The following LRRC66 variants were observed in gnomAD, a reference collection of about 807,000 sequenced individuals.
LRRC66 encodes leucine-rich repeat-containing protein 66.
A neutral mutation model predicts 24.6 loss-of-function variants in LRRC66; 29 were observed. That is an observed-to-expected ratio of 1.18 (90% CI 0.88 to 1.61). The LOEUF is 1.61. Ranked by LOEUF, LRRC66 falls within the 40% of genes most tolerant of loss-of-function variation. The pLI, the probability that LRRC66 is intolerant of heterozygous loss-of-function variation, is 0.00. For synonymous variants in LRRC66, 411 were observed against 397.6 expected (o/e 1.03, Z -0.40); for missense variants, 1,124 against 1,058.0 (o/e 1.06, Z -0.87).
In LRRC66 at chr4:52,017,048, T is replaced by C. The variant is rs1736827365; in HGVS notation, c.496+70A>G. 3.3e-6 allele frequency: 5 copies of C among 1,492,754 alleles called. No individual in the cohort carries two copies. In the South Asian group the frequency reaches 6.8e-5, roughly 20 times the overall value. 92.5% of individuals were successfully genotyped at this position (1,492,754 alleles called of 1,614,324 possible). On this transcript the variant is annotated intron_variant, in intron 2 of 4. Coordinates refer to ENST00000682860, the MANE Select transcript of LRRC66 (RefSeq NM_001024611.3). ...TGTCCCTTGAACCTGAAAACAAATG[T>C]GGAATTCTTATGAACATGAAACAAC...
Position 51,997,755 on chromosome 4 carries a change from C to G in LRRC66, c.849G>C (p.Arg283Ser). The G allele has an allele frequency of 1.2e-6, 2 of 1,613,750 alleles. No homozygotes were observed. The highest frequency in any genetic ancestry group is 1.7e-6 in the Non-Finnish European group (2 of 1,179,754). ...GAGACATTACTGACTTACCTATAGACCTGTTGCAAATGACATTCCACTTTT... is the reference window on the plus strand; with the variant it reads ...GAGACATTACTGACTTACCTATAGAGCTGTTGCAAATGACATTCCACTTTT... ...WRKKWNVICN[R>S]SIGSEEANGG... The change falls in exon 4 of 5, where the codon AGG becomes AGC. Residue 283 changes from arginine to serine, a missense_variant. Transcript: ENST00000682860.
At chr4:52,015,412 C>A (rs1736786890) in intron 2 of LRRC66, among the ~76,000 whole-genome samples, 1 of 152,030 alleles carries the variant, frequency 6.6e-6, no homozygotes, top group Non-Finnish European at 1.5e-5. Context: ...GTAAGGAATG[C>A]TCACCCCTCG....
intron 2 of LRRC66, among the ~76,000 whole-genome samples, chr4:52,009,178 A>T (rs1356299144): frequency 6.6e-6 from 1 of 152,140 alleles, no homozygotes; most frequent in East Asian, 1.9e-4. Flanking sequence ...AAATAGAAAT[A>T]ATTTTGACTC....
chr4:51,997,473 C>G (rs1736346703), intron 4 of LRRC66, among the ~76,000 whole-genome samples: 1 of 152,184 alleles, frequency 6.6e-6, no homozygotes, highest in Non-Finnish European at 1.5e-5. Flanking sequence ...GAACAAAACT[C>G]ACTTCTAGTG....
intron 2 of LRRC66, among the ~76,000 whole-genome samples, chr4:52,008,878 C>G (rs530168363): frequency 6.6e-6 from 1 of 152,104 alleles, no homozygotes; most frequent in South Asian, 2.1e-4. Flanking sequence ...ATATTTAAAT[C>G]TCTTTAAAAG....
chr4:51,996,190 A>C, intron 4 of LRRC66, 25 bp from the exon 5 acceptor site: 1 of 1,520,266 alleles, frequency 6.6e-7, no homozygotes, highest in Non-Finnish European at 8.9e-7. Context: ...AAAAAAATAC[A>C]CATTGAGCGA....
chr4:52,019,692 A>T (rs77489287), intron 1 of LRRC66, among the ~76,000 whole-genome samples: 1,660 of 152,320 alleles, frequency 0.011, 32 homozygotes, highest in African/African-American at 0.034. Flanking sequence ...CTACGTTCAA[A>T]GCTGAGATCA....
At chr4:52,009,879 C>T (rs902934363) in intron 2 of LRRC66, among the ~76,000 whole-genome samples, 3 of 152,076 alleles carry the variant, frequency 2.0e-5, no homozygotes, top group African/African-American at 7.2e-5. Context: ...TAGACATCAA[C>T]AATATAGCAA....
Position 51,995,918 on chromosome 4 carries a change from T to C in LRRC66, c.1104A>G (p.Lys368=). The C allele has an allele frequency of 6.2e-7, 1 of 1,614,106 alleles. No homozygotes were observed. The highest frequency in any genetic ancestry group is 1.1e-5 in the South Asian group (1 of 91,086). The change falls in exon 5 of 5, where the codon AAA becomes AAG. Residue 368 remains lysine, a synonymous_variant. Coordinates refer to ENST00000682860, the MANE Select transcript of LRRC66 (RefSeq NM_001024611.3). The part of the protein sequence containing the change: ...STRDVQAAGK[K]EDAPQDLALA... ...GAGCCAGGTCCTGGGGAGCGTCCTC[T>C]TTTTTGCCGGCAGCCTGCACATCGC...
At position 51,995,370 on chromosome 4, in the gene LRRC66, T is replaced by G. The variant is rs1374555406; in HGVS notation, c.1652A>C (p.His551Pro). ...AGCTACAGAAGAGACGCCCACTGAA[T>G]GTGCACTGAGAGGCTCTTCCTGGGC... is the stretch of plus-strand genomic sequence containing the variant. ...TVAQEEPLSA[H>P]SVGVSSVAGT... Residue 551 changes from histidine to proline, a missense_variant, in exon 5 of 5, where the codon CAT becomes CCT. Physicochemically the swap from His to Pro is moderately conservative, Grantham distance 77. Transcript: ENST00000682860. The G allele has an allele frequency of 4.3e-6, 7 of 1,614,080 alleles. No homozygotes were observed. The highest frequency in any genetic ancestry group is 5.9e-6 in the Non-Finnish European group (7 of 1,180,040).
intron 2 of LRRC66, among the ~76,000 whole-genome samples, chr4:52,005,392 T>A (rs1052257227): frequency 1.3e-5 from 2 of 152,120 alleles, no homozygotes; most frequent in African/African-American, 4.8e-5. Flanking sequence ...CCCAGCACTT[T>A]GGAAGCCGAA....
In LRRC66 at chr4:51,997,887, G is replaced by A. The variant is rs373737799; in HGVS notation, c.717C>T (p.Ile239=). 3 of 1,614,144 alleles carry A rather than the reference G, an allele frequency of 1.9e-6. No individual in the cohort carries two copies. Among genetic ancestry groups the A allele is most frequent in the Non-Finnish European group, 2.5e-6 (3 of 1,180,000 alleles). Residue 239 remains isoleucine, a synonymous_variant, in exon 4 of 5, where the codon ATC becomes ATT. Coordinates refer to ENST00000682860, the MANE Select transcript of LRRC66 (RefSeq NM_001024611.3). ...CTAGATGGGGAAATTCTAGAGCTATGATCATCATTGGTAGGATGGTAATCA... is the reference window on the plus strand; with the variant it reads ...CTAGATGGGGAAATTCTAGAGCTATAATCATCATTGGTAGGATGGTAATCA... ...NALITILPMM[I]IALEFPHLVV...
In LRRC66 at chr4:51,994,145, A is replaced by G. The variant is rs1041667376; in HGVS notation, c.*234T>C. 1 of 471,952 alleles carries G rather than the reference A, an allele frequency of 2.1e-6. No homozygotes were observed. Among genetic ancestry groups the G allele is most frequent in the African/African-American group, 2.0e-5 (1 of 51,014 alleles). 29.2% of individuals were successfully genotyped at this position (471,952 alleles called of 1,614,324 possible). A position where few individuals can be genotyped will look rare whatever the true frequency, so the allele number is the denominator to read the frequency against. On this transcript the variant is annotated 3_prime_UTR_variant, in exon 5 of 5. Transcript: ENST00000682860. Reference sequence around the variant, plus strand: ...AAATATTCCCCTCTTTCTCTTTCACACTGAAGAGCAGGTTCATCCCCATAG... The same window carrying G: ...AAATATTCCCCTCTTTCTCTTTCACGCTGAAGAGCAGGTTCATCCCCATAG...
chr4:52,020,358 G>A lies in LRRC66; in HGVS notation c.-60C>T, dbSNP rs1736917543. Among the ~76,000 whole-genome samples the A allele has an allele frequency of 6.6e-6, 1 of 152,182 alleles. No homozygotes were observed. Among genetic ancestry groups the A allele is most frequent in the Admixed American group, 6.5e-5 (1 of 15,278 alleles). On this transcript the variant is annotated 5_prime_UTR_variant, in exon 1 of 5. Transcript: ENST00000682860. ...TGGATATCTGGATCAAGCCAGGTAG[G>A]GATTTAAGACCTGAACCTTTGAGGC...
In LRRC66 at chr4:52,017,401, G is replaced by A. The variant is rs767446507; in HGVS notation, c.213C>T (p.Phe71=). ...TGTGAGACTGTAAGAGAACTCTAAA[G>A]AAATTGAAACTTACATCCACAGTGG... ...TAATVDVSFN[F]FRVLLQSHTK... is the part of the protein sequence containing the mutation. Residue 71 remains phenylalanine, a synonymous_variant, in exon 2 of 5, where the codon TTC becomes TTT. Transcript: ENST00000682860. 2.5e-6 allele frequency: 4 copies of A among 1,614,024 alleles called. No homozygotes were observed. The East Asian group carries it at 8.9e-5, about 36-fold the overall frequency.
chr4:51,997,939 T>A lies in LRRC66; in HGVS notation c.667-2A>T. Reference sequence around the variant, plus strand: ...AGCATTGTTGCTAAGGTCTATGACCTGTTTGAGAAGAAACAAGTTTAGGAT... The same window carrying A: ...AGCATTGTTGCTAAGGTCTATGACCAGTTTGAGAAGAAACAAGTTTAGGAT... On this transcript the variant is annotated splice_acceptor_variant, in intron 3 of 4. Coordinates refer to ENST00000682860, the MANE Select transcript of LRRC66 (RefSeq NM_001024611.3). LOFTEE classifies it high-confidence loss of function. 1 of 1,609,824 alleles carries A rather than the reference T, an allele frequency of 6.2e-7. No homozygotes were observed. The highest frequency in any genetic ancestry group is 8.5e-7 in the Non-Finnish European group (1 of 1,177,356).
At chr4:52,006,719 T>C (rs1417102500) in intron 2 of LRRC66, among the ~76,000 whole-genome samples, 1 of 55,510 alleles carries the variant, frequency 1.8e-5, no homozygotes, top group East Asian at 6.7e-4. Context: ...ATAATAATAA[T>C]AATAATAAAG....
Position 52,003,392 on chromosome 4 carries a change from C to T in LRRC66, c.497G>A (p.Gly166Glu). ...QRNKLSDTPK[G>E]LWKLKSLQSL... ...CTGCAATGACTTCAGTTTCCACAGT[C>T]CTGTTAAAATGAAAAAGTAAGTTGA... The change falls in exon 3 of 5, where the codon GGA becomes GAA. Residue 166 changes from glycine to glutamate, a missense_variant and splice_region_variant. Physicochemically the swap from Gly to Glu is moderately conservative, Grantham distance 98 (BLOSUM62 -2). Transcript: ENST00000682860. The T allele has an allele frequency of 1.2e-6, 2 of 1,606,982 alleles. No individual in the cohort carries two copies. Among genetic ancestry groups the T allele is most frequent in the African/African-American group, 1.3e-5 (1 of 74,648 alleles).
rs1476205483 is a variant in LRRC66, at chr4:51,995,721, T to G, written c.1301A>C (p.His434Pro). ...CAGATGGGTCTCTGGGTGTGGTGTGTGCCCCGCAGCTTCCATGTCATCGTA... is the reference window on the plus strand; with the variant it reads ...CAGATGGGTCTCTGGGTGTGGTGTGGGCCCCGCAGCTTCCATGTCATCGTA... ...GFYDDMEAAG[H>P]TPHPETHLRQ... Residue 434 changes from histidine to proline, a missense_variant, in exon 5 of 5, where the codon CAC becomes CCC. His to Pro is a moderately conservative substitution (Grantham distance 77). Coordinates refer to ENST00000682860, the MANE Select transcript of LRRC66 (RefSeq NM_001024611.3). 5.0e-6 allele frequency: 8 copies of G among 1,614,124 alleles called. No homozygotes were observed. Among genetic ancestry groups the G allele is most frequent in the Non-Finnish European group, 6.8e-6 (8 of 1,180,020 alleles).
Sources: gnomAD v4.1 joint callset for allele counts (sites outside exome capture counted in the v4.1 genomes callset) on GRCh38, gnomAD v4.1.1 for gene constraint, MANE v1.5 for transcripts, NCBI Gene and HGNC (gene_info 2026-07-23, HGNC 2026-07-21) for gene names.